The following HOOK1 variants were observed in gnomAD, a reference collection of about 807,000 sequenced individuals.
HOOK1 encodes the protein protein Hook homolog 1.
A neutral mutation model predicts 112.8 loss-of-function variants in HOOK1; 60 were observed. The ratio of observed to expected loss-of-function variants is 0.53; its 90% confidence interval spans 0.43 to 0.66. The LOEUF (loss-of-function observed/expected upper bound fraction) is 0.66. Among genes scored for constraint, HOOK1 ranks in the 30% least tolerant of loss-of-function variants. HOOK1 has a pLI of 0.00. For synonymous variants in HOOK1, 294 were observed against 283.8 expected, an observed-to-expected ratio of 1.04 and a Z score of -0.36; for missense variants, 770 against 856.0, an observed-to-expected ratio of 0.90 and a Z score of 1.25.
At chr1:59,839,764 T>C (rs2098399992) in intron 7 of HOOK1, among the ~76,000 whole-genome samples, 1 of 152,216 alleles carries the variant, frequency 6.6e-6, no homozygotes, top group Admixed American at 6.5e-5. Context: ...CCTTGTCTTG[T>C]GCCAGTTTTC....
At position 59,832,349 on chromosome 1, in the gene HOOK1, T is replaced by A. The variant is rs2098394615; in HGVS notation, c.273+136T>A. Reference sequence around the variant, plus strand: ...ATAATTAGAACATGTTTTATTGTCATTTTTATAGAATGCTCATTTGTGAAA... The same window carrying A: ...ATAATTAGAACATGTTTTATTGTCAATTTTATAGAATGCTCATTTGTGAAA... On this transcript the variant is annotated intron_variant, in intron 4 of 21. Transcript: ENST00000371208. 7 of 598,752 alleles carry A rather than the reference T, an allele frequency of 1.2e-5. No individual in the cohort carries two copies. The South Asian group carries it at 1.5e-4, about 13-fold the overall frequency. The allele number at this position is 598,752 out of a possible 1,614,324, so 37.1% of individuals were successfully genotyped here.
chr1:59,859,402 A>C (rs2098412400), intron 14 of HOOK1, among the ~76,000 whole-genome samples: 1 of 152,114 alleles, frequency 6.6e-6, no homozygotes. Flanking sequence ...TGATGGGAGA[A>C]GTGGTAAATG....
intron 21 of HOOK1, among the ~76,000 whole-genome samples, chr1:59,872,487 T>C (rs555595601): frequency 6.6e-6 from 1 of 151,704 alleles, no homozygotes; most frequent in Non-Finnish European, 1.5e-5. Context: ...TGTCTGCTCA[T>C]AGGTGGTACG....
Position 59,873,106 on chromosome 1 carries a change from C to A in HOOK1, c.*141C>A. 1 of 662,378 alleles carries A rather than the reference C, an allele frequency of 1.5e-6. No individual in the cohort carries two copies. The highest frequency in any genetic ancestry group is 2.2e-6 in the Non-Finnish European group (1 of 450,764). 41.0% of individuals were successfully genotyped at this position (662,378 alleles called of 1,614,324 possible). ...CAGGTATTTTAAAATCAACATGCATCAAATTAATTTTGCCAGTTGACTTTA... is the reference window on the plus strand; with the variant it reads ...CAGGTATTTTAAAATCAACATGCATAAAATTAATTTTGCCAGTTGACTTTA... On this transcript the variant is annotated 3_prime_UTR_variant, in exon 22 of 22. Transcript: ENST00000371208.
intron 6 of HOOK1, among the ~76,000 whole-genome samples, chr1:59,836,617 G>A (rs899411522): frequency 3.9e-5 from 6 of 151,964 alleles, no homozygotes; most frequent in African/African-American, 1.5e-4. Context: ...ATTGAAATTT[G>A]TCAGTACACA....
At chr1:59,849,369 T>C (rs561383596) in intron 12 of HOOK1, among the ~76,000 whole-genome samples, 186 bp downstream of exon 12, 2 of 151,638 alleles carry the variant, frequency 1.3e-5, no homozygotes, top group East Asian at 3.9e-4. Context: ...TTCTTCACAA[T>C]GTTAGATGAA....
chr1:59,838,115 T>C (rs1228296494), intron 7 of HOOK1, among the ~76,000 whole-genome samples: 1 of 152,218 alleles, frequency 6.6e-6, no homozygotes, highest in East Asian at 1.9e-4. Flanking sequence ...TTGGGTTGGT[T>C]CCAAGTCTTT....
chr1:59,872,051 A>C (rs1049843496), intron 21 of HOOK1, among the ~76,000 whole-genome samples: 1 of 152,324 alleles, frequency 6.6e-6, no homozygotes, highest in Non-Finnish European at 1.5e-5. Context: ...CAGTGAAGAT[A>C]TTGTAGCCAG....
At position 59,873,108 on chromosome 1, in the gene HOOK1, A is replaced by G. The variant is rs957638501; in HGVS notation, c.*143A>G. ...GGTATTTTAAAATCAACATGCATCA[A>G]ATTAATTTTGCCAGTTGACTTTAAA... On this transcript the variant is annotated 3_prime_UTR_variant, in exon 22 of 22. Coordinates refer to ENST00000371208, the MANE Select transcript of HOOK1 (RefSeq NM_015888.6). 12 of 654,844 alleles carry G rather than the reference A, an allele frequency of 1.8e-5. No individual in the cohort carries two copies. Among genetic ancestry groups the G allele is most frequent in the Admixed American group, 4.2e-5 (1 of 23,860 alleles). 40.6% of individuals were successfully genotyped at this position (654,844 alleles called of 1,614,324 possible).
chr1:59,866,206 G>T (rs969457616), intron 19 of HOOK1, among the ~76,000 whole-genome samples: 3 of 152,178 alleles, frequency 2.0e-5, no homozygotes, highest in Non-Finnish European at 4.4e-5. Flanking sequence ...TAGACAGACT[G>T]TCGTGATGTC....
chr1:59,869,715 A>G (rs927406772), intron 20 of HOOK1, among the ~76,000 whole-genome samples: 2 of 152,152 alleles, frequency 1.3e-5, no homozygotes, highest in Admixed American at 1.3e-4. Context: ...CGCCCTTGCT[A>G]TCAGTGCTTG....
At chr1:59,823,542 T>G (rs148920321) in intron 2 of HOOK1, among the ~76,000 whole-genome samples, 1 of 151,970 alleles carries the variant, frequency 6.6e-6, no homozygotes, top group Non-Finnish European at 1.5e-5. Context: ...TTGGTATGAA[T>G]GTAAGGCTGG....
chr1:59,832,841 T>C (rs1454612227), intron 4 of HOOK1, among the ~76,000 whole-genome samples: 1 of 152,104 alleles, frequency 6.6e-6, no homozygotes, highest in Non-Finnish European at 1.5e-5. Flanking sequence ...CTTCCCAAAA[T>C]GTTTAATATT....
Position 59,828,788 on chromosome 1 carries a change from C to A in HOOK1, c.158C>A (p.Ala53Asp), listed in dbSNP as rs771817236. Residue 53 changes from alanine to aspartate, a missense_variant, in exon 3 of 22, where the codon GCT becomes GAT. Transcript: ENST00000371208. ...MAQVLHQIDA[A>D]WFNESWLSRI... ...TTTTGTTGTTGTTTCAGTGATGCAG[C>A]TTGGTTTAACGAATCTTGGTTAAGC... 1 of 1,612,890 alleles carries A rather than the reference C, an allele frequency of 6.2e-7. No homozygotes were observed. The highest frequency in any genetic ancestry group is 8.5e-7 in the Non-Finnish European group (1 of 1,179,442).
chr1:59,829,014 A>T (rs1230376899), intron 3 of HOOK1, among the ~76,000 whole-genome samples, 162 bp downstream of exon 3: 1 of 152,132 alleles, frequency 6.6e-6, no homozygotes, highest in African/African-American at 2.4e-5. Flanking sequence ...ATCATAATTA[A>T]ATAGAAAATA....
intron 2 of HOOK1, among the ~76,000 whole-genome samples, chr1:59,826,342 G>GAA (rs548259545): frequency 7.3e-6 from 1 of 136,652 alleles, no homozygotes; most frequent in Non-Finnish European, 1.6e-5. Context: ...AGCGCAAAAG[G>GAA]AAAAAAAAAA....
At position 59,875,098 on chromosome 1, in the gene HOOK1, C is replaced by T. The variant is rs577232685; in HGVS notation, c.*2133C>T. The T allele has an allele frequency of 9.2e-5, 14 of 152,558 alleles. No individual in the cohort carries two copies. Among genetic ancestry groups the T allele is most frequent in the East Asian group, 7.7e-4 (4 of 5,180 alleles). The allele number at this position is 152,558 out of a possible 1,614,324, so 9.5% of individuals were successfully genotyped here. A position where few individuals can be genotyped will look rare whatever the true frequency, so the allele number is the denominator to read the frequency against. ...TGGCATTTTGACATATTTTAGTCAG[C>T]GAAGACATCTGCCCCTTTGGTGTTT... On this transcript the variant is annotated 3_prime_UTR_variant, in exon 22 of 22. Coordinates refer to ENST00000371208, the MANE Select transcript of HOOK1 (RefSeq NM_015888.6).
At chr1:59,863,460 A>G (rs543353178) in intron 16 of HOOK1, among the ~76,000 whole-genome samples, 2 of 152,272 alleles carry the variant, frequency 1.3e-5, no homozygotes, top group South Asian at 4.1e-4. Flanking sequence ...ATGGATTTTG[A>G]CAGCAGCTAC....
intron 3 of HOOK1, among the ~76,000 whole-genome samples, chr1:59,831,482 T>G (rs2098393941): frequency 6.6e-6 from 1 of 152,152 alleles, no homozygotes; most frequent in Non-Finnish European, 1.5e-5. Context: ...GAACATTCAG[T>G]TTCACCCATC....
Sources: gnomAD v4.1 joint callset for allele counts (sites outside exome capture counted in the v4.1 genomes callset) on GRCh38, gnomAD v4.1.1 for gene constraint, MANE v1.5 for transcripts, NCBI Gene and HGNC (gene_info 2026-07-23, HGNC 2026-07-21) for gene names.